The following QTMAN variants were observed in gnomAD, a reference collection of about 807,000 sequenced individuals.
QTMAN encodes queuosine-tRNA mannosyltransferase.
the QTMAN span, among the ~76,000 whole-genome samples, chr2:144,152,392 T>A: frequency 6.6e-6 from 1 of 152,210 alleles, no homozygotes; most frequent in Admixed American, 6.5e-5. Context: ...GCTAAAGGTG[T>A]CACTTAAATT....
chr2:144,332,203 G>A, the QTMAN span, among the ~76,000 whole-genome samples: 1 of 151,922 alleles, frequency 6.6e-6, no homozygotes, highest in African/African-American at 2.4e-5. Flanking sequence ...TCCGAGCGCG[G>A]TGCGGACGGC....
At chr2:144,058,095 A>T in the QTMAN span, among the ~76,000 whole-genome samples, 2 of 151,142 alleles carry the variant, frequency 1.3e-5, no homozygotes, top group Non-Finnish European at 2.9e-5. Context: ...AGAAGGAAAA[A>T]AAAAAGAAAG....
the QTMAN span, among the ~76,000 whole-genome samples, chr2:144,295,611 TG>T: frequency 6.6e-6 from 1 of 152,146 alleles, no homozygotes; most frequent in African/African-American, 2.4e-5. Flanking sequence ...GCAGCTTTTT[TG>T]TTTTTGTTTT....
At chr2:143,990,946 A>G in the QTMAN span, among the ~76,000 whole-genome samples, 1 of 152,234 alleles carries the variant, frequency 6.6e-6, no homozygotes, top group African/African-American at 2.4e-5. Context: ...AGTCACAGAA[A>G]GAAATTTGAG....
chr2:144,132,375 A>T, the QTMAN span, among the ~76,000 whole-genome samples: 1 of 152,042 alleles, frequency 6.6e-6, no homozygotes, highest in African/African-American at 2.4e-5. Context: ...TTACTTTTCA[A>T]TGGTATGTTC....
At chr2:144,244,995 A>G in the QTMAN span, among the ~76,000 whole-genome samples, 1 of 152,232 alleles carries the variant, frequency 6.6e-6, no homozygotes, top group East Asian at 1.9e-4. Flanking sequence ...CAAGAAATGT[A>G]ACCTCTTTAT....
chr2:144,152,163 C>T, the QTMAN span, among the ~76,000 whole-genome samples: 1 of 152,122 alleles, frequency 6.6e-6, no homozygotes, highest in Non-Finnish European at 1.5e-5. Context: ...GTGCTTATCA[C>T]GATGGCCAGG....
At chr2:144,287,353 T>A in the QTMAN span, among the ~76,000 whole-genome samples, 1 of 150,418 alleles carries the variant, frequency 6.6e-6, no homozygotes, top group Non-Finnish European at 1.5e-5. Context: ...GAGAATGGCG[T>A]GAACCCGGGA....
At chr2:144,048,822 A>G in the QTMAN span, among the ~76,000 whole-genome samples, 1 of 108,104 alleles carries the variant, frequency 9.3e-6, no homozygotes, top group Non-Finnish European at 1.7e-5. Flanking sequence ...ACATGCATAC[A>G]CACACACACA....
chr2:144,271,608 G>A, the QTMAN span, among the ~76,000 whole-genome samples: 43 of 152,126 alleles, frequency 2.8e-4, no homozygotes, highest in African/African-American at 1.0e-3. Flanking sequence ...ATAATTACAT[G>A]TAACCTAAGG....
chr2:144,264,523 C>A, the QTMAN span, among the ~76,000 whole-genome samples: 1 of 152,132 alleles, frequency 6.6e-6, no homozygotes, highest in Non-Finnish European at 1.5e-5. Flanking sequence ...AACAGAGATA[C>A]GAAAATTCCC....
the QTMAN span, among the ~76,000 whole-genome samples, chr2:144,149,060 G>A: frequency 2.6e-5 from 4 of 151,804 alleles, no homozygotes; most frequent in African/African-American, 9.7e-5. Flanking sequence ...GTGATCCATA[G>A]GCAATTTTTA....
At chr2:144,201,415 G>A in the QTMAN span, among the ~76,000 whole-genome samples, 1 of 152,184 alleles carries the variant, frequency 6.6e-6, no homozygotes, top group Non-Finnish European at 1.5e-5. Flanking sequence ...AGGAGATGAT[G>A]TTGCAGAGGC....
At chr2:144,052,912 G>C in the QTMAN span, among the ~76,000 whole-genome samples, 15 of 152,294 alleles carry the variant, frequency 9.8e-5, no homozygotes, top group South Asian at 2.1e-4. Flanking sequence ...GCCTCCCAAA[G>C]TGCTGGGATT....
At chr2:144,048,640 G>C in the QTMAN span, among the ~76,000 whole-genome samples, 3 of 152,100 alleles carry the variant, frequency 2.0e-5, no homozygotes, top group African/African-American at 7.2e-5. Context: ...TGGTTGAAAA[G>C]TCCTACTATG....
the QTMAN span, among the ~76,000 whole-genome samples, chr2:143,965,375 T>C: frequency 6.6e-6 from 1 of 152,202 alleles, no homozygotes; most frequent in East Asian, 1.9e-4. Flanking sequence ...GATAGCACTT[T>C]CCCTCAAATT....
the QTMAN span, among the ~76,000 whole-genome samples, chr2:144,176,200 T>C: frequency 6.6e-6 from 1 of 152,114 alleles, no homozygotes; most frequent in Non-Finnish European, 1.5e-5. Context: ...ACAATTACGG[T>C]TCATTATTAA....
At chr2:144,313,840 T>G in the QTMAN span, among the ~76,000 whole-genome samples, 1 of 151,656 alleles carries the variant, frequency 6.6e-6, no homozygotes, top group African/African-American at 2.4e-5. Flanking sequence ...ACATGAAGAA[T>G]ACTCCTACAG....
chr2:143,998,344 T>C, the QTMAN span, among the ~76,000 whole-genome samples: 1 of 152,024 alleles, frequency 6.6e-6, no homozygotes, highest in Non-Finnish European at 1.5e-5. Context: ...GTTTCTGAAT[T>C]TTCCCTTCTT....
Sources: gnomAD v4.1 joint callset for allele counts (sites outside exome capture counted in the v4.1 genomes callset) on GRCh38, gnomAD v4.1.1 for gene constraint, MANE v1.5 for transcripts, NCBI Gene and HGNC (gene_info 2026-07-23, HGNC 2026-07-21) for gene names.